Variants in CCSER1 observed in about 807,000 individuals in gnomAD.
CCSER1 encodes serine-rich coiled-coil domain-containing protein 1.
Under a neutral mutation model 82.0 loss-of-function variants are expected in CCSER1, and 41 were observed. The ratio of observed to expected loss-of-function variants is 0.50; its 90% CI spans 0.39 to 0.65. The LOEUF is 0.65. Among genes scored for constraint, CCSER1 ranks in the 30% least tolerant of loss-of-function variants. The pLI is 0.00. For missense variants in CCSER1, 1,119 were observed against 1,064.2 expected, an observed-to-expected ratio of 1.05 and a Z score of -0.72; for synonymous variants, 414 against 383.9, an observed-to-expected ratio of 1.08 and a Z score of -0.92.
chr4:90,377,413 C>T (rs1002244381), intron 3 of CCSER1, among the ~76,000 whole-genome samples: 1 of 152,104 alleles, frequency 6.6e-6, no homozygotes, highest in African/African-American at 2.4e-5. Flanking sequence ...ATCATCAATA[C>T]TGTATAACAC....
At chr4:90,505,319 C>T (rs574180734) in intron 5 of CCSER1, among the ~76,000 whole-genome samples, 16 of 152,282 alleles carry the variant, frequency 1.1e-4, no homozygotes, top group Non-Finnish European at 1.8e-4. Flanking sequence ...AGAAGCCTTA[C>T]GGCCACTTCC....
intron 5 of CCSER1, among the ~76,000 whole-genome samples, chr4:90,562,593 A>G (rs1778905929): frequency 6.6e-6 from 1 of 152,054 alleles, no homozygotes; most frequent in Non-Finnish European, 1.5e-5. Flanking sequence ...GCTGGAGTGC[A>G]GTGGGGCAGT....
intron 6 of CCSER1, among the ~76,000 whole-genome samples, chr4:90,669,766 G>T (rs1014770708): frequency 6.6e-6 from 1 of 152,016 alleles, no homozygotes. Context: ...AAATATGCTT[G>T]TAGATATAAG....
chr4:91,390,655 G>A (rs1036663009), intron 10 of CCSER1, among the ~76,000 whole-genome samples: 2 of 151,860 alleles, frequency 1.3e-5, no homozygotes, highest in Middle Eastern at 3.2e-3. Flanking sequence ...TAGAGAATTT[G>A]TATAATTTTC....
intron 9 of CCSER1, among the ~76,000 whole-genome samples, chr4:90,967,476 A>G (rs1364983236): frequency 2.0e-5 from 3 of 151,916 alleles, no homozygotes; most frequent in Non-Finnish European, 4.4e-5. Context: ...TTTTCAACCC[A>G]TGGTGCTGGG....
At chr4:90,242,610 A>C (rs1348974855) in intron 1 of CCSER1, among the ~76,000 whole-genome samples, 1 of 152,216 alleles carries the variant, frequency 6.6e-6, no homozygotes, top group Non-Finnish European at 1.5e-5. Context: ...GATAACCACA[A>C]AATGCATCAT....
At chr4:90,867,938 A>G (rs773431774) in intron 8 of CCSER1, among the ~76,000 whole-genome samples, 1 of 151,964 alleles carries the variant, frequency 6.6e-6, no homozygotes, top group Non-Finnish European at 1.5e-5. Flanking sequence ...TTTTTAATCT[A>G]TTTGTCTGTT....
chr4:91,465,042 C>T (rs931217024), intron 10 of CCSER1, among the ~76,000 whole-genome samples: 2 of 152,190 alleles, frequency 1.3e-5, no homozygotes, highest in Non-Finnish European at 2.9e-5. Flanking sequence ...CCCAAATCAA[C>T]AGAATATACA....
chr4:90,141,923 G>A (rs1160773944), intron 1 of CCSER1, among the ~76,000 whole-genome samples: 2 of 152,156 alleles, frequency 1.3e-5, no homozygotes, highest in Non-Finnish European at 2.9e-5. Flanking sequence ...ACATTAATGG[G>A]TTTGTACCTG....
intron 9 of CCSER1, among the ~76,000 whole-genome samples, chr4:91,018,168 C>T (rs1052905945): frequency 6.6e-6 from 1 of 152,088 alleles, no homozygotes; most frequent in Admixed American, 6.6e-5. Context: ...ATTCTTTCAT[C>T]TATTTATTTA....
At chr4:90,277,755 C>T (rs1728100350) in intron 1 of CCSER1, among the ~76,000 whole-genome samples, 1 of 152,032 alleles carries the variant, frequency 6.6e-6, no homozygotes. Context: ...AAGTGCTCTT[C>T]TCAATATCAG....
At chr4:90,357,866 T>C (rs1744638361) in intron 3 of CCSER1, among the ~76,000 whole-genome samples, 1 of 152,044 alleles carries the variant, frequency 6.6e-6, no homozygotes, top group African/African-American at 2.4e-5. Flanking sequence ...TGCTTCTCAG[T>C]TTTTAAAGCT....
Position 90,434,207 on chromosome 4 carries a change from T to A in CCSER1, c.1604-34027T>A, listed in dbSNP as rs547789169. On this transcript the variant is annotated intron_variant, in intron 4 of 10. Transcript: ENST00000509176. ...GCTTTTTCATTTATTTCTCTTCATA[T>A]CCATTTTTTCCTTTTAAGTTAAGCA... 2.2e-3 allele frequency among the ~76,000 whole-genome samples: 340 copies of A among 152,264 alleles called. 2 individuals carry two copies. Among genetic ancestry groups the A allele is most frequent in the African/African-American group, 8.0e-3 (331 of 41,564 alleles).
intron 10 of CCSER1, among the ~76,000 whole-genome samples, chr4:91,591,173 A>G (rs1186877510): frequency 6.6e-6 from 1 of 152,136 alleles, no homozygotes; most frequent in Non-Finnish European, 1.5e-5. Flanking sequence ...GGTCCCAAAA[A>G]CAAGGCAATA....
chr4:90,497,051 C>T (rs1459155302), intron 5 of CCSER1, among the ~76,000 whole-genome samples: 1 of 148,884 alleles, frequency 6.7e-6, no homozygotes, highest in Non-Finnish European at 1.5e-5. Context: ...GAAAGAGAGA[C>T]CAAGATAAAT....
At chr4:91,215,306 G>C (rs1421259505) in intron 10 of CCSER1, among the ~76,000 whole-genome samples, 1 of 152,070 alleles carries the variant, frequency 6.6e-6, no homozygotes, top group Admixed American at 6.5e-5. Flanking sequence ...AATTGATAAA[G>C]TACATATGCC....
chr4:91,022,103 A>T (rs1740033548), intron 9 of CCSER1, among the ~76,000 whole-genome samples: 1 of 150,686 alleles, frequency 6.6e-6, no homozygotes, highest in Non-Finnish European at 1.5e-5. Context: ...TACACCCATT[A>T]ACTCGTCATT....
chr4:90,835,870 A>G (rs539714188), intron 8 of CCSER1, among the ~76,000 whole-genome samples: 41 of 152,328 alleles, frequency 2.7e-4, no homozygotes, highest in African/African-American at 9.6e-4. Context: ...TGTTTGCCTT[A>G]TGGACAACAC....
chr4:91,289,460 G>A (rs569276414), intron 10 of CCSER1, among the ~76,000 whole-genome samples: 4 of 152,134 alleles, frequency 2.6e-5, no homozygotes, highest in East Asian at 3.9e-4. Flanking sequence ...ATATTTTAAT[G>A]GAAGAGTTTG....
Sources: gnomAD v4.1 joint callset for allele counts (sites outside exome capture counted in the v4.1 genomes callset) on GRCh38, gnomAD v4.1.1 for gene constraint, MANE v1.5 for transcripts, NCBI Gene and HGNC (gene_info 2026-07-23, HGNC 2026-07-21) for gene names.